The following MPPED1 variants were observed in gnomAD, a reference collection of about 807,000 sequenced individuals.
MPPED1 encodes the protein metallophosphoesterase domain containing 1.
MPPED1 carries 16 observed loss-of-function variants against 36.2 expected under a neutral mutation model. That is an observed-to-expected ratio of 0.44 (90% confidence interval 0.30 to 0.67). The LOEUF is 0.67. MPPED1 is among the 30% of genes least tolerant of loss of function. The probability of loss-of-function intolerance (pLI) is 0.10; values close to 1 mark genes in which losing one functional copy is unlikely to be tolerated. For synonymous variants in MPPED1, 199 were observed against 191.3 expected, an observed-to-expected ratio of 1.04 and a Z score of -0.33; for missense variants, 307 against 453.4, an observed-to-expected ratio of 0.68 and a Z score of 2.93.
chr22:43,497,026 AGTG>A (rs1381233657), intron 4 of MPPED1, among the ~76,000 whole-genome samples: 1 of 20,184 alleles, frequency 5.0e-5, no homozygotes, highest in African/African-American at 2.2e-4. Flanking sequence ...TGGTGGTGGA[AGTG>A]GTGGTGGTGG....
At chr22:43,437,124 C>T (rs892736011) in intron 3 of MPPED1, among the ~76,000 whole-genome samples, 6 of 152,194 alleles carry the variant, frequency 3.9e-5, no homozygotes, top group Admixed American at 1.3e-4. Context: ...GAGCATGAAT[C>T]GAAGCCCATT....
chr22:43,454,320 T>C (rs1930679458), intron 3 of MPPED1, among the ~76,000 whole-genome samples: 1 of 151,962 alleles, frequency 6.6e-6, no homozygotes, highest in Non-Finnish European at 1.5e-5. Context: ...ATTTTCTTCT[T>C]TTTAGAGACA....
At chr22:43,479,569 AG>A (rs1931685513) in intron 4 of MPPED1, among the ~76,000 whole-genome samples, 1 of 152,164 alleles carries the variant, frequency 6.6e-6, no homozygotes, top group Non-Finnish European at 1.5e-5. Flanking sequence ...GCCCATCACG[AG>A]GGGCATGCAA....
chr22:43,426,544 C>A (rs1929481217), intron 2 of MPPED1, among the ~76,000 whole-genome samples: 1 of 152,312 alleles, frequency 6.6e-6, no homozygotes, highest in East Asian at 1.9e-4. Context: ...TTGTGGCATC[C>A]CAGCCGCTGT....
At chr22:43,420,752 T>A (rs1929242972) in intron 1 of MPPED1, among the ~76,000 whole-genome samples, 1 of 152,228 alleles carries the variant, frequency 6.6e-6, no homozygotes, top group African/African-American at 2.4e-5. Flanking sequence ...CACCCTGTTC[T>A]GTCTTTTTCC....
At chr22:43,470,658 T>C (rs1931344899) in intron 3 of MPPED1, among the ~76,000 whole-genome samples, 1 of 152,260 alleles carries the variant, frequency 6.6e-6, no homozygotes, top group Non-Finnish European at 1.5e-5. Flanking sequence ...GATACCGCCA[T>C]AGGGTCTACC....
intron 4 of MPPED1, among the ~76,000 whole-genome samples, chr22:43,491,593 T>G (rs1456685227): frequency 6.7e-6 from 1 of 149,668 alleles, no homozygotes; most frequent in Non-Finnish European, 1.5e-5. Context: ...ATGATGGTGG[T>G]GGTGATGGTG....
At chr22:43,464,759 C>G (rs1260934675) in intron 3 of MPPED1, among the ~76,000 whole-genome samples, 2 of 152,206 alleles carry the variant, frequency 1.3e-5, no homozygotes, top group Non-Finnish European at 2.9e-5. Context: ...CTCCACATTT[C>G]TCTTACCCAC....
intron 2 of MPPED1, among the ~76,000 whole-genome samples, chr22:43,431,949 A>C (rs547348099): frequency 2.3e-4 from 35 of 152,262 alleles, no homozygotes; most frequent in African/African-American, 8.2e-4. Flanking sequence ...TTAATTAAAG[A>C]TCTCTGGCTC....
At chr22:43,447,859 T>TTATATATATATATATATATATATATATA (rs1238294657) in intron 3 of MPPED1, among the ~76,000 whole-genome samples, 4 of 62,524 alleles carry the variant, frequency 6.4e-5, no homozygotes, top group Non-Finnish European at 9.4e-5. Context: ...TATGTAAATA[T>TTATATATATATATATATATATATATATA]TATATATATA....
At chr22:43,466,896 G>A (rs956954677) in intron 3 of MPPED1, among the ~76,000 whole-genome samples, 1 of 152,224 alleles carries the variant, frequency 6.6e-6, no homozygotes, top group African/African-American at 2.4e-5. Flanking sequence ...GTGCTTCCCT[G>A]TCTGGCCAGG....
intron 3 of MPPED1, among the ~76,000 whole-genome samples, chr22:43,471,705 T>G (rs1032471227): frequency 6.6e-6 from 1 of 152,196 alleles, no homozygotes; most frequent in African/African-American, 2.4e-5. Flanking sequence ...AGGGCTTCTC[T>G]GTACCATGCC....
At chr22:43,493,403 G>A (rs1932161754) in intron 4 of MPPED1, among the ~76,000 whole-genome samples, 1 of 152,210 alleles carries the variant, frequency 6.6e-6, no homozygotes. Flanking sequence ...CCCAGGGAGG[G>A]ATTTAAGTGG....
At chr22:43,438,800 C>G (rs1930051610) in intron 3 of MPPED1, among the ~76,000 whole-genome samples, 1 of 152,134 alleles carries the variant, frequency 6.6e-6, no homozygotes, top group Admixed American at 6.5e-5. Context: ...GGCCTTGGGT[C>G]AATCCTGGCC....
intron 3 of MPPED1, among the ~76,000 whole-genome samples, chr22:43,447,820 T>A (rs1930398671): frequency 7.1e-6 from 1 of 141,652 alleles, no homozygotes; most frequent in Non-Finnish European, 1.5e-5. Flanking sequence ...TATATTTATA[T>A]TTTTATATAA....
rs1932704003 is a variant in MPPED1, at chr22:43,500,587, T to C, written c.749-2057T>C. 2.0e-5 allele frequency among the ~76,000 whole-genome samples: 3 copies of C among 151,960 alleles called. 1 individual carries two copies. In the South Asian group the frequency reaches 6.2e-4, roughly 31 times the overall value. ...ACCCTCTGTGGTTCCCTCAGTCCTC[T>C]GAATGAAGTTCAGTCTCCCAGCAGT... On this transcript the variant is annotated intron_variant, in intron 5 of 6. Coordinates refer to ENST00000443721, the MANE Select transcript of MPPED1 (RefSeq NM_001044370.2).
rs773613698 is a variant in MPPED1 at position 43,474,850 on chromosome 22, C to T, written c.521C>T (p.Ser174Leu). The change falls in exon 4 of 7, where the codon TCG becomes TTG. Residue 174 changes from serine (S) to leucine (L), a missense_variant. Physicochemically the swap from Ser to Leu is moderately radical, Grantham distance 145 (BLOSUM62 -2). Around this residue, in one of 3 missense-constraint regions of MPPED1, gnomAD observed 132 missense variants for 212.3 expected, o/e 0.62. Transcript: ENST00000443721. This position sits in a 1 kb window ranked among gnomAD's most constrained non-coding sequence, Gnocchi z 5.2. ...KQDFYYFPSVSKLKPENYENV... is the reference protein window; with the variant it reads ...KQDFYYFPSVLKLKPENYENV... ...GACTTTTACTACTTCCCATCTGTGT[C>T]GAAGCTGAAGCCGGAGAACTATGAG... 5 of 1,614,024 alleles carry T rather than the reference C, an allele frequency of 3.1e-6. No homozygotes were observed. Among genetic ancestry groups the T allele is most frequent in the Non-Finnish European group, 3.4e-6 (4 of 1,179,902 alleles).
At chr22:43,464,955 C>A (rs545945769) in intron 3 of MPPED1, among the ~76,000 whole-genome samples, 1 of 152,328 alleles carries the variant, frequency 6.6e-6, no homozygotes, top group East Asian at 1.9e-4. Context: ...TATACAAGGG[C>A]CCCTTGGTTC....
intron 1 of MPPED1, among the ~76,000 whole-genome samples, chr22:43,414,018 A>G (rs1928995455): frequency 6.6e-6 from 1 of 152,218 alleles, no homozygotes; most frequent in Admixed American, 6.5e-5. Flanking sequence ...TGGTACGCTT[A>G]GAATCACTCA....
Sources: allele counts gnomAD v4.1 joint callset (sites outside exome capture counted in the v4.1 genomes callset), GRCh38; gene constraint gnomAD v4.1.1; regional missense constraint gnomAD v4.1.1; non-coding constraint Gnocchi (gnomAD v3.1); transcripts MANE v1.5; gene names NCBI Gene and HGNC (gene_info 2026-07-23, HGNC 2026-07-21).